THSD7B: variants seen among roughly 807,000 people sequenced by gnomAD.
THSD7B encodes thrombospondin type 1 domain containing 7B, also known as thrombospondin type-1 domain-containing protein 7B.
In THSD7B, 138 loss-of-function variants were observed where a neutral mutation model predicts 213.6. The observed-to-expected ratio is 0.65, with a 90% CI of 0.56 to 0.74. The LOEUF (loss-of-function observed/expected upper bound fraction) is 0.74, where lower values mean the gene tolerates loss of function less well. THSD7B is among the 30% of genes least tolerant of loss of function. THSD7B has a pLI of 0.00. For missense variants in THSD7B, 1,931 were observed against 1,991.5 expected (o/e 0.97, Z 0.58); for synonymous variants, 742 against 687.0 (o/e 1.08, Z -1.25).
At chr2:136,976,843 A>G (rs953268879) in intron 2 of THSD7B, among the ~76,000 whole-genome samples, 2 of 151,792 alleles carry the variant, frequency 1.3e-5, no homozygotes, top group Non-Finnish European at 2.9e-5. Context: ...GGATAGTCTC[A>G]ATCTCCTGAC....
intron 25 of THSD7B, among the ~76,000 whole-genome samples, chr2:137,660,569 T>C (rs1303222700): frequency 6.6e-6 from 1 of 152,200 alleles, no homozygotes; most frequent in Non-Finnish European, 1.5e-5. Context: ...CAACTCCATT[T>C]GGGTTAATGA....
chr2:137,546,354 TATATATATTATATATATATATA>T lies in THSD7B; in HGVS notation c.3139-16858_3139-16837del, dbSNP rs1307964157. 1.1e-3 allele frequency among the ~76,000 whole-genome samples: 61 copies of T among 55,892 alleles called. 5 individuals carry two copies. The highest frequency in any genetic ancestry group is 6.7e-3 in the South Asian group (13 of 1,946). 36.7% of individuals were successfully genotyped at this position (55,892 alleles called of 152,430 possible). ...TGCATTCAGTATTGAAGTCAGCATA[TATATATATTATATATATATATA>T]ATATATATATTATATATATTATATA... is the stretch of plus-strand genomic sequence containing the variant. On this transcript the variant is annotated intron_variant, in intron 15 of 27. Coordinates refer to ENST00000409968, the MANE Select transcript of THSD7B (RefSeq NM_001316349.2).
intron 7 of THSD7B, among the ~76,000 whole-genome samples, chr2:137,224,446 C>A (rs1198742386): frequency 6.6e-6 from 1 of 152,186 alleles, no homozygotes; most frequent in African/African-American, 2.4e-5. Context: ...TTACCCAAGA[C>A]ACAGTGCCTT....
chr2:136,961,630 A>G (rs1029887341), intron 2 of THSD7B, among the ~76,000 whole-genome samples: 3 of 152,134 alleles, frequency 2.0e-5, no homozygotes, highest in South Asian at 2.1e-4. Context: ...TGCATGTCCA[A>G]CTGGAAACAA....
intron 1 of THSD7B, among the ~76,000 whole-genome samples, chr2:136,799,611 A>C (rs1682138663): frequency 6.6e-6 from 1 of 152,052 alleles, no homozygotes; most frequent in Non-Finnish European, 1.5e-5. Flanking sequence ...GTTTGACTAC[A>C]CATACACACA....
chr2:136,885,045 C>T (rs191147077), intron 2 of THSD7B, among the ~76,000 whole-genome samples: 4 of 152,242 alleles, frequency 2.6e-5, no homozygotes, highest in African/African-American at 9.6e-5. Context: ...TGATTTTTAA[C>T]ACTGTATTGC....
intron 12 of THSD7B, among the ~76,000 whole-genome samples, chr2:137,307,475 C>T (rs369483204): frequency 6.6e-6 from 1 of 152,138 alleles, no homozygotes; most frequent in African/African-American, 2.4e-5. Flanking sequence ...ATTTCCACTT[C>T]ATCCCTAATC....
chr2:136,800,669 C>G (rs559156733), intron 1 of THSD7B, among the ~76,000 whole-genome samples: 1 of 151,070 alleles, frequency 6.6e-6, no homozygotes, highest in Non-Finnish European at 1.5e-5. Flanking sequence ...TTTCAAGTAA[C>G]TGCAGATTTG....
chr2:137,214,846 GGGTT>G (rs1220000988), intron 7 of THSD7B, among the ~76,000 whole-genome samples: 1 of 152,128 alleles, frequency 6.6e-6, no homozygotes, highest in East Asian at 1.9e-4. Context: ...ATGGGCATTT[GGGTT>G]GGTTCCAAGT....
At chr2:137,530,685 A>T (rs1680380389) in intron 15 of THSD7B, among the ~76,000 whole-genome samples, 1 of 151,996 alleles carries the variant, frequency 6.6e-6, no homozygotes, top group Admixed American at 6.6e-5. Context: ...GATAGCTGTC[A>T]TAGGCTTGAT....
intron 17 of THSD7B, among the ~76,000 whole-genome samples, chr2:137,589,579 G>A (rs942103228): frequency 3.9e-5 from 6 of 152,020 alleles, no homozygotes; most frequent in African/African-American, 1.4e-4. Context: ...GTATAGTGTT[G>A]GGTTTTCTTT....
At chr2:137,366,084 C>A (rs1193876017) in intron 12 of THSD7B, among the ~76,000 whole-genome samples, 1 of 152,030 alleles carries the variant, frequency 6.6e-6, no homozygotes, top group Non-Finnish European at 1.5e-5. Context: ...AATTCTTGTC[C>A]TTTGTAGGGA....
Position 137,477,101 on chromosome 2 carries a change from G to A in THSD7B, c.3138+26078G>A, listed in dbSNP as rs1573648100. ...CTGTCCAGAAGATCTCTCTAATACT[G>A]AGAGTGGGTGTTGACATATCCAGCT... is the stretch of plus-strand genomic sequence containing the variant. On this transcript the variant is annotated intron_variant, in intron 15 of 27. Transcript: ENST00000409968. 5.3e-5 allele frequency among the ~76,000 whole-genome samples: 8 copies of A among 152,156 alleles called. 1 individual carries two copies. The South Asian group carries it at 1.7e-3, about 32-fold the overall frequency.
At chr2:136,850,039 T>A (rs1007702793) in intron 1 of THSD7B, among the ~76,000 whole-genome samples, 1 of 152,074 alleles carries the variant, frequency 6.6e-6, no homozygotes, top group African/African-American at 2.4e-5. Context: ...ATTTTAATTC[T>A]ATCACTGCAT....
intron 15 of THSD7B, among the ~76,000 whole-genome samples, chr2:137,491,541 A>G (rs781020807): frequency 2.6e-5 from 4 of 152,182 alleles, no homozygotes; most frequent in South Asian, 2.1e-4. Context: ...CCTTCATCTC[A>G]ATATTTTTAG....
At chr2:137,210,574 T>C (rs1681081192) in intron 7 of THSD7B, among the ~76,000 whole-genome samples, 2 of 152,066 alleles carry the variant, frequency 1.3e-5, no homozygotes, top group South Asian at 2.1e-4. Flanking sequence ...GTAAACTACC[T>C]AAAAGTCATT....
At chr2:136,828,736 G>A (rs534640861) in intron 1 of THSD7B, among the ~76,000 whole-genome samples, 51 of 152,276 alleles carry the variant, frequency 3.3e-4, no homozygotes, top group African/African-American at 1.1e-3. Flanking sequence ...TTCTTGCCTC[G>A]TTTGTTTCAC....
chr2:137,175,111 T>A (rs947275464), intron 7 of THSD7B, among the ~76,000 whole-genome samples: 1 of 152,184 alleles, frequency 6.6e-6, no homozygotes. Flanking sequence ...TCCCAGTGGC[T>A]GGCAAGTGAC....
chr2:137,668,607 T>C (rs1170189890), intron 27 of THSD7B, among the ~76,000 whole-genome samples: 3 of 152,122 alleles, frequency 2.0e-5, no homozygotes, highest in Non-Finnish European at 4.4e-5. Flanking sequence ...TGAGGAGGAC[T>C]GGGGTGCCTA....
Sources: allele counts gnomAD v4.1 joint callset (sites outside exome capture counted in the v4.1 genomes callset), GRCh38; gene constraint gnomAD v4.1.1; transcripts MANE v1.5; gene names NCBI Gene and HGNC (gene_info 2026-07-23, HGNC 2026-07-21).